The following SRPK1 variants were observed in gnomAD, a reference collection of about 807,000 sequenced individuals.
SRPK1 encodes SRSF protein kinase 1.
SRPK1 carries 52 observed loss-of-function variants against 89.5 expected under a neutral mutation model. The ratio of observed to expected loss-of-function variants is 0.58; its 90% CI spans 0.46 to 0.73. SRPK1 has a LOEUF of 0.73. Ranked by LOEUF, SRPK1 falls within the 30% of genes least tolerant of loss-of-function variation. SRPK1 has a pLI of 0.00. For synonymous variants in SRPK1, 255 were observed against 270.2 expected (o/e 0.94, Z 0.55); for missense variants, 603 against 780.6 (o/e 0.77, Z 2.71).
At chr6:35,919,388 G>C (rs990894299) in intron 2 of SRPK1, among the ~76,000 whole-genome samples, 1 of 152,092 alleles carries the variant, frequency 6.6e-6, no homozygotes, top group African/African-American at 2.4e-5. Context: ...CCCTAATCTG[G>C]TATTGTCATT....
At chr6:35,883,624 A>G (rs1027920516) in intron 6 of SRPK1, among the ~76,000 whole-genome samples, 12 of 152,210 alleles carry the variant, frequency 7.9e-5, no homozygotes, top group African/African-American at 2.9e-4. Context: ...AGCTTAAAAA[A>G]AAACTTGACA....
intron 2 of SRPK1, 63 bp downstream of exon 2, chr6:35,920,405 A>T: frequency 6.3e-7 from 1 of 1,586,134 alleles, no homozygotes; most frequent in Non-Finnish European, 8.6e-7. Flanking sequence ...AAGACGTGAA[A>T]CCAGAGCAGA....
chr6:35,900,667 G>T (rs1330022487), intron 2 of SRPK1, among the ~76,000 whole-genome samples: 1 of 152,174 alleles, frequency 6.6e-6, no homozygotes, highest in African/African-American at 2.4e-5. Context: ...GAAAAATTAA[G>T]TAGGGCAAGG....
Position 35,920,544 on chromosome 6 carries a change from A to T in SRPK1, c.14-16T>A. The T allele has an allele frequency of 6.2e-7, 1 of 1,611,918 alleles. No homozygotes were observed. On this transcript the variant is annotated splice_polypyrimidine_tract_variant and intron_variant, in intron 1 of 15. Coordinates refer to ENST00000373825, the MANE Select transcript of SRPK1 (RefSeq NM_003137.5). ...AGCGCAAGCACTGCAGGAGAGAGGG[A>T]TGGATGAAGGGCGAATGTGGAGGAA...
At chr6:35,849,320 A>T (rs897892705) in intron 13 of SRPK1, among the ~76,000 whole-genome samples, 1 of 152,232 alleles carries the variant, frequency 6.6e-6, no homozygotes, top group Non-Finnish European at 1.5e-5. Context: ...AATGGCTGTT[A>T]TCACAAAGAC....
chr6:35,883,715 T>C (rs1315815034), intron 6 of SRPK1, among the ~76,000 whole-genome samples: 2 of 151,440 alleles, frequency 1.3e-5, no homozygotes, highest in Non-Finnish European at 2.9e-5. Flanking sequence ...TCAGAAGCAC[T>C]AGTAATTGAA....
chr6:35,841,253 A>C (rs1769299418), intron 14 of SRPK1, among the ~76,000 whole-genome samples: 1 of 152,182 alleles, frequency 6.6e-6, no homozygotes, highest in African/African-American at 2.4e-5. Flanking sequence ...TACCCACTTA[A>C]ATAGGCATTC....
At chr6:35,844,363 G>T (rs1769383560) in intron 13 of SRPK1, among the ~76,000 whole-genome samples, 1 of 152,158 alleles carries the variant, frequency 6.6e-6, no homozygotes, top group African/African-American at 2.4e-5. Context: ...ATAAGCGCTA[G>T]TCATAGGTCA....
chr6:35,867,357 C>T (rs1013933933), intron 12 of SRPK1, among the ~76,000 whole-genome samples: 2 of 152,140 alleles, frequency 1.3e-5, no homozygotes, highest in African/African-American at 4.8e-5. Flanking sequence ...CAGTGCTAAG[C>T]TGGCTTTGTT....
intron 14 of SRPK1, among the ~76,000 whole-genome samples, chr6:35,840,780 G>T (rs1769289573): frequency 6.6e-6 from 1 of 152,168 alleles, no homozygotes. Flanking sequence ...GGGTTTGCTT[G>T]TTCCTGCTCT....
chr6:35,882,969 T>A (rs921315031), intron 6 of SRPK1, among the ~76,000 whole-genome samples: 1 of 152,056 alleles, frequency 6.6e-6, no homozygotes, highest in Non-Finnish European at 1.5e-5. Context: ...CCACCACGCC[T>A]CGCTAATTTT....
At chr6:35,852,021 C>A (rs184647695) in intron 13 of SRPK1, among the ~76,000 whole-genome samples, 34 of 152,270 alleles carry the variant, frequency 2.2e-4, no homozygotes, top group African/African-American at 7.9e-4. Flanking sequence ...GACTATCTTG[C>A]CCCAGCGATC....
intron 12 of SRPK1, among the ~76,000 whole-genome samples, chr6:35,860,888 C>T (rs560956418): frequency 6.2e-4 from 94 of 152,108 alleles, no homozygotes; most frequent in African/African-American, 2.1e-3. Flanking sequence ...TAAGTGACAT[C>T]TGGGTAAGAA....
chr6:35,890,259 A>C (rs993919882), intron 3 of SRPK1, among the ~76,000 whole-genome samples: 4 of 152,240 alleles, frequency 2.6e-5, no homozygotes, highest in African/African-American at 9.6e-5. Context: ...TCTCAAAAAA[A>C]CAAAACAAAA....
intron 13 of SRPK1, 46 bp downstream of exon 13, chr6:35,857,215 G>T: frequency 2.1e-6 from 3 of 1,396,874 alleles, no homozygotes; most frequent in Non-Finnish European, 2.0e-6. Context: ...AACAGGGCAA[G>T]ATATGTACCA....
chr6:35,910,884 C>G (rs1770944562), intron 2 of SRPK1, among the ~76,000 whole-genome samples: 2 of 152,144 alleles, frequency 1.3e-5, no homozygotes, highest in Admixed American at 1.3e-4. Flanking sequence ...ATTTTAAGGC[C>G]ACTATTGAGA....
chr6:35,917,056 T>C (rs988635618), intron 2 of SRPK1, among the ~76,000 whole-genome samples: 1 of 128,686 alleles, frequency 7.8e-6, no homozygotes, highest in African/African-American at 3.3e-5. Flanking sequence ...TGAGACTCTG[T>C]CTCAAAAAAC....
At chr6:35,892,239 A>C (rs569935627) in intron 2 of SRPK1, among the ~76,000 whole-genome samples, 2 of 152,298 alleles carry the variant, frequency 1.3e-5, no homozygotes, top group South Asian at 4.1e-4. Context: ...TTCCTTCTCT[A>C]TATGTCTTCA....
intron 6 of SRPK1, among the ~76,000 whole-genome samples, chr6:35,878,556 G>T (rs1770207285): frequency 6.6e-6 from 1 of 152,070 alleles, no homozygotes; most frequent in Non-Finnish European, 1.5e-5. Context: ...TAGCACAGTG[G>T]CAACCACCTA....
Sources: allele counts gnomAD v4.1 joint callset (sites outside exome capture counted in the v4.1 genomes callset), GRCh38; gene constraint gnomAD v4.1.1; transcripts MANE v1.5; gene names NCBI Gene and HGNC (gene_info 2026-07-23, HGNC 2026-07-21).